TNR: variants seen among roughly 807,000 people sequenced by gnomAD.
TNR encodes tenascin-R.
TNR carries 45 observed loss-of-function variants against 150.4 expected under a neutral mutation model. The observed-to-expected ratio is 0.30, with a 90% CI of 0.24 to 0.38. The LOEUF is 0.38. Ranked by LOEUF, TNR falls within the 10% of genes least tolerant of loss-of-function variation. The pLI is 1.00. For synonymous variants in TNR, 687 were observed against 678.4 expected (o/e 1.01, Z -0.20); for missense variants, 1,544 against 1,759.1 (o/e 0.88, Z 2.19).
intron 1 of TNR, among the ~76,000 whole-genome samples, chr1:175,610,357 C>T (rs1663553756): frequency 6.6e-6 from 1 of 152,216 alleles, no homozygotes; most frequent in African/African-American, 2.4e-5. Context: ...ATGGCAAGGC[C>T]AGACTCAGAC....
Position 175,695,678 on chromosome 1 carries a change from T to G in TNR, c.-165+47548A>C, listed in dbSNP as rs1177438099. The stretch of plus-strand genomic sequence containing the variant: ...TTCTTCCTTATTTGAGTCCTACTCA[T>G]TGTCTTGATCTCTTTGAAGCATTAA... On this transcript the variant is annotated intron_variant, in intron 1 of 22. Coordinates refer to ENST00000367674, the MANE Select transcript of TNR (RefSeq NM_003285.3). Among the ~76,000 whole-genome samples, 4 of 152,222 alleles carry G rather than the reference T, an allele frequency of 2.6e-5. No individual in the cohort carries two copies. The East Asian group carries it at 7.7e-4, about 29-fold the overall frequency.
Position 175,696,237 on chromosome 1 carries a change from TTTTTTTTC to T in TNR, c.-165+46981_-165+46988del, listed in dbSNP as rs1322304675. 1.3e-3 allele frequency among the ~76,000 whole-genome samples: 189 copies of T among 147,764 alleles called. 2 individuals are homozygous for T. Among genetic ancestry groups the T allele is most frequent in the African/African-American group, 4.8e-3 (185 of 38,538 alleles). On this transcript the variant is annotated intron_variant, in intron 1 of 22. Transcript: ENST00000367674. ...CTGTAGTTTTTTTTTTTTTTTTTTT[TTTTTTTTC>T]CAAAATTTAAGGGACCAATCTAGAA... is the stretch of plus-strand genomic sequence containing the variant.
At chr1:175,614,913 C>A (rs182082373) in intron 1 of TNR, among the ~76,000 whole-genome samples, 1 of 152,196 alleles carries the variant, frequency 6.6e-6, no homozygotes, top group African/African-American at 2.4e-5. Context: ...GACAATGAAG[C>A]AATGAGCAAA....
chr1:175,315,267 C>T lies in TNR; in HGVS notation c.*8090G>A, dbSNP rs1648803087. On this transcript the variant is annotated 3_prime_UTR_variant, in exon 23 of 23. Transcript: ENST00000367674. Reference sequence around the variant, plus strand: ...GAACTATACAGAGGCTAAAAGCAACCAGGACTAAAAATACTAGTTAACAAT... The same window carrying T: ...GAACTATACAGAGGCTAAAAGCAACTAGGACTAAAAATACTAGTTAACAAT... 6.6e-6 allele frequency: 1 copy of T among 152,126 alleles called. No individual in the cohort carries two copies. Among genetic ancestry groups the T allele is most frequent in the African/African-American group, 2.4e-5 (1 of 41,414 alleles). The allele number at this position is 152,126 out of a possible 1,614,324, so 9.4% of individuals were successfully genotyped here. A position where few individuals can be genotyped will look rare whatever the true frequency, so the allele number is the denominator to read the frequency against.
intron 2 of TNR, among the ~76,000 whole-genome samples, chr1:175,513,380 T>G (rs1052200315): frequency 1.3e-5 from 2 of 152,152 alleles, no homozygotes; most frequent in Non-Finnish European, 2.9e-5. Flanking sequence ...ATCGAACACA[T>G]GTAGTCTAGG....
chr1:175,617,098 A>G (rs1010645574), intron 1 of TNR, among the ~76,000 whole-genome samples: 1 of 152,102 alleles, frequency 6.6e-6, no homozygotes, highest in Non-Finnish European at 1.5e-5. Flanking sequence ...TCTTCTATTA[A>G]GGAGTAGCTG....
chr1:175,323,226 G>T lies in TNR; in HGVS notation c.*131C>A. On this transcript the variant is annotated 3_prime_UTR_variant, in exon 23 of 23. Transcript: ENST00000367674. ...CAGATGTTAGCCAGCGGATTCCTGC[G>T]ACATCCCTGCTTCCTTCACATACTC... is the stretch of plus-strand genomic sequence containing the variant. The T allele has an allele frequency of 8.2e-7, 1 of 1,217,126 alleles. No individual in the cohort carries two copies. Among genetic ancestry groups the T allele is most frequent in the South Asian group, 1.7e-5 (1 of 59,904 alleles). 75.4% of individuals were successfully genotyped at this position (1,217,126 alleles called of 1,614,324 possible).
intron 2 of TNR, among the ~76,000 whole-genome samples, chr1:175,463,190 C>G (rs963295160): frequency 3.3e-5 from 5 of 152,060 alleles, no homozygotes; most frequent in Admixed American, 2.0e-4. Context: ...CAGCAGGTGA[C>G]CTTTACATAG....
chr1:175,375,177 GT>G (rs61116085), intron 9 of TNR, among the ~76,000 whole-genome samples: 108,968 of 142,664 alleles, frequency 0.76, 41,043 homozygotes, highest in Admixed American at 0.8. Flanking sequence ...ATGATTTGTT[GT>G]TTTTTTTTTT....
At position 175,386,052 on chromosome 1, in the gene TNR, G is replaced by T. The variant is rs1652904416; in HGVS notation, c.1757C>A (p.Ala586Asp). Reference sequence around the variant, plus strand: ...CTTACCTGTTGTGAACTGAGTGGTGGCAGAATCGCTCTCGTTGGTCCCTCG... The same window carrying T: ...CTTACCTGTTGTGAACTGAGTGGTGTCAGAATCGCTCTCGTTGGTCCCTCG... ...AVRGTNESDS[A>D]TTQFTTEIDA... is the part of the protein sequence containing the mutation. The change falls in exon 8 of 23, where the codon GCC becomes GAC. Residue 586 changes from alanine to aspartate, a missense_variant. Ala to Asp is a moderately radical substitution (Grantham distance 126). Coordinates refer to ENST00000367674, the MANE Select transcript of TNR (RefSeq NM_003285.3). 1 of 1,598,328 alleles carries T rather than the reference G, an allele frequency of 6.3e-7. No individual in the cohort carries two copies. The highest frequency in any genetic ancestry group is 1.1e-5 in the South Asian group (1 of 89,914).
chr1:175,409,093 G>T (rs1654089243), intron 2 of TNR, among the ~76,000 whole-genome samples: 1 of 152,148 alleles, frequency 6.6e-6, no homozygotes, highest in Non-Finnish European at 1.5e-5. Context: ...TCACTTTCAG[G>T]ATCCCTAGGC....
chr1:175,642,584 G>C (rs997413013), intron 1 of TNR, among the ~76,000 whole-genome samples: 1 of 152,142 alleles, frequency 6.6e-6, no homozygotes, highest in Non-Finnish European at 1.5e-5. Context: ...CAAGGATTGC[G>C]GGGAGAGTGA....
At position 175,599,924 on chromosome 1, in the gene TNR, T is replaced by C. The variant is rs1360701610; in HGVS notation, c.-164-71555A>G. Among the ~76,000 whole-genome samples, 3 of 152,136 alleles carry C rather than the reference T, an allele frequency of 2.0e-5. No individual in the cohort carries two copies. Among genetic ancestry groups the C allele is most frequent in the Admixed American group, 1.3e-4 (2 of 15,280 alleles). On this transcript the variant is annotated intron_variant, in intron 1 of 22. Coordinates refer to ENST00000367674, the MANE Select transcript of TNR (RefSeq NM_003285.3). This position sits in a 1 kb window ranked among gnomAD's most constrained non-coding sequence, Gnocchi z 4.7. ...GAGGCAGGCAAGAGACTGGGGCCGG[T>C]TCTACAGGAGGGAGGAAAAGAGTGA...
At chr1:175,585,499 G>A (rs1234473893) in intron 1 of TNR, among the ~76,000 whole-genome samples, 1 of 152,104 alleles carries the variant, frequency 6.6e-6, no homozygotes, top group East Asian at 1.9e-4. Flanking sequence ...GAAAGCTGAG[G>A]CATACAGATT....
chr1:175,426,114 G>A (rs914693920), intron 2 of TNR, among the ~76,000 whole-genome samples: 10 of 152,186 alleles, frequency 6.6e-5, no homozygotes, highest in African/African-American at 2.4e-4. Context: ...GCCTCCAAGA[G>A]AGCGCAGCGT....
chr1:175,406,400 G>A lies in TNR; in HGVS notation c.315C>T (p.Thr105=), dbSNP rs140183735. The change falls in exon 3 of 23, where the codon ACC becomes ACT. Residue 105 remains threonine (T), a synonymous_variant. Transcript: ENST00000367674. ...DETLAEYMGQ[T]SDHESQVTFT... is the part of the protein sequence containing the mutation. Reference sequence around the variant, plus strand: ...AGGTGACCTGGCTCTCGTGGTCTGAGGTCTGGCCCATGTACTCTGCCAGAG... The same window carrying A: ...AGGTGACCTGGCTCTCGTGGTCTGAAGTCTGGCCCATGTACTCTGCCAGAG... 2 of 1,614,062 alleles carry A rather than the reference G, an allele frequency of 1.2e-6. No individual in the cohort carries two copies. Among genetic ancestry groups the A allele is most frequent in the African/African-American group, 2.7e-5 (2 of 74,908 alleles).
intron 2 of TNR, among the ~76,000 whole-genome samples, chr1:175,422,934 G>A (rs57919490): frequency 0.03 from 4,506 of 152,190 alleles, 237 homozygotes; most frequent in African/African-American, 0.1. Flanking sequence ...CCTCTCCAGG[G>A]GTCTCCATCA....
chr1:175,641,952 G>T (rs776076655), intron 1 of TNR, among the ~76,000 whole-genome samples: 5 of 152,288 alleles, frequency 3.3e-5, no homozygotes, highest in Non-Finnish European at 5.9e-5. Context: ...ATAGGTGTTA[G>T]ATACTGTTAA....
At chr1:175,627,950 C>A (rs1242761896) in intron 1 of TNR, among the ~76,000 whole-genome samples, 1 of 152,168 alleles carries the variant, frequency 6.6e-6, no homozygotes, top group South Asian at 2.1e-4. Context: ...TGCCCCAATC[C>A]ACGATAGTCA....
Sources: gnomAD v4.1 joint callset for allele counts (sites outside exome capture counted in the v4.1 genomes callset) on GRCh38, gnomAD v4.1.1 for gene constraint, Gnocchi (gnomAD v3.1) non-coding constraint, MANE v1.5 for transcripts, NCBI Gene and HGNC (gene_info 2026-07-23, HGNC 2026-07-21) for gene names.